HS6ST3: variants seen among roughly 807,000 people sequenced by gnomAD.
HS6ST3 encodes the protein heparan sulfate 6-O-sulfotransferase 3.
A neutral mutation model predicts 36.7 loss-of-function variants in HS6ST3; 12 were observed. That is an observed-to-expected ratio of 0.33 (90% CI 0.21 to 0.53). The LOEUF (loss-of-function observed/expected upper bound fraction) is 0.53, where lower values mean the gene tolerates loss of function less well. Among genes scored for constraint, HS6ST3 ranks in the 20% least tolerant of loss-of-function variants. The pLI is 0.95. For synonymous variants in HS6ST3, 240 were observed against 257.5 expected, an observed-to-expected ratio of 0.93 and a Z score of 0.65; for missense variants, 584 against 640.9, an observed-to-expected ratio of 0.91 and a Z score of 0.96.
At chr13:96,216,000 G>A (rs1229820667) in intron 1 of HS6ST3, among the ~76,000 whole-genome samples, 1 of 152,174 alleles carries the variant, frequency 6.6e-6, no homozygotes, top group African/African-American at 2.4e-5. Flanking sequence ...CATGCTTCCA[G>A]AGCTGACCCA....
chr13:96,571,357 T>C (rs879776045), intron 1 of HS6ST3, among the ~76,000 whole-genome samples: 7 of 152,194 alleles, frequency 4.6e-5, no homozygotes, highest in Non-Finnish European at 1.0e-4. Context: ...CACTGCTAGG[T>C]AACTTCAAAC....
intron 1 of HS6ST3, among the ~76,000 whole-genome samples, chr13:96,359,595 A>C (rs2055227212): frequency 6.6e-6 from 1 of 152,138 alleles, no homozygotes. Context: ...CCTGGTTTTA[A>C]CAAGATTTGT....
At chr13:96,181,770 C>A (rs1207053848) in intron 1 of HS6ST3, among the ~76,000 whole-genome samples, 3 of 152,146 alleles carry the variant, frequency 2.0e-5, no homozygotes, top group Non-Finnish European at 4.4e-5. Context: ...TGGCTAGAAC[C>A]CCCGCCCTTC....
Position 96,197,016 on chromosome 13 carries a change from A to G in HS6ST3, c.707+105447A>G, listed in dbSNP as rs184917581. 5.5e-3 allele frequency among the ~76,000 whole-genome samples: 831 copies of G among 152,338 alleles called. 2 individuals are homozygous for G. The highest frequency in any genetic ancestry group is 0.013 in the Admixed American group (198 of 15,308). ...GCCATTCTTTCTCTGTGTGACCTCTAGATGGATCTATGTGATTCACAGAGG... is the reference window on the plus strand; with the variant it reads ...GCCATTCTTTCTCTGTGTGACCTCTGGATGGATCTATGTGATTCACAGAGG... On this transcript the variant is annotated intron_variant, in intron 1 of 1. Coordinates refer to ENST00000376705, the MANE Select transcript of HS6ST3 (RefSeq NM_153456.4).
intron 1 of HS6ST3, chr13:96,574,083 G>C: frequency 1.8e-6 from 1 of 541,766 alleles, no homozygotes; most frequent in Non-Finnish European, 3.7e-6. Context: ...GGCTGCATTG[G>C]GACCTTCTCA....
chr13:96,497,543 T>G (rs2055983449), intron 1 of HS6ST3, among the ~76,000 whole-genome samples: 1 of 152,192 alleles, frequency 6.6e-6, no homozygotes, highest in Non-Finnish European at 1.5e-5. Context: ...AGTAGACAGA[T>G]GCAGCAGCCT....
intron 1 of HS6ST3, among the ~76,000 whole-genome samples, chr13:96,478,641 T>G (rs2138896092): frequency 6.6e-6 from 1 of 152,274 alleles, no homozygotes; most frequent in Middle Eastern, 3.4e-3. Flanking sequence ...AGAATACTAT[T>G]AGACCTACCA....
intron 1 of HS6ST3, among the ~76,000 whole-genome samples, chr13:96,544,759 C>T (rs763908559): frequency 6.6e-6 from 1 of 152,100 alleles, no homozygotes; most frequent in Non-Finnish European, 1.5e-5. Flanking sequence ...GTGCCGTCCT[C>T]TCTGGTGAAT....
At chr13:96,226,791 A>G (rs1423956392) in intron 1 of HS6ST3, among the ~76,000 whole-genome samples, 1 of 152,220 alleles carries the variant, frequency 6.6e-6, no homozygotes, top group Non-Finnish European at 1.5e-5. Context: ...GCACATACAT[A>G]TGGTAAAGTG....
At position 96,696,900 on chromosome 13, in the gene HS6ST3, C is replaced by T. The variant is rs187156659; in HGVS notation, c.708-135590C>T. On this transcript the variant is annotated intron_variant, in intron 1 of 1. Transcript: ENST00000376705. ...AATGAATGAATGTAGTCCACACGTACAGACATGCCTCTCAGGCAGTCTGTT... is the reference window on the plus strand; with the variant it reads ...AATGAATGAATGTAGTCCACACGTATAGACATGCCTCTCAGGCAGTCTGTT... Among the ~76,000 whole-genome samples, 85 of 152,198 alleles carry T rather than the reference C, an allele frequency of 5.6e-4. 1 individual carries two copies. The highest frequency in any genetic ancestry group is 4.6e-3 in the Admixed American group (70 of 15,282).
chr13:96,641,954 T>C (rs975874924), intron 1 of HS6ST3, among the ~76,000 whole-genome samples: 2 of 151,832 alleles, frequency 1.3e-5, no homozygotes, highest in Non-Finnish European at 2.9e-5. Flanking sequence ...TATCTTTTTT[T>C]AAATGTACCT....
rs550412133 is a variant in HS6ST3 at position 96,285,318 on chromosome 13, A to T, written c.707+193749A>T. Among the ~76,000 whole-genome samples, 97 of 152,292 alleles carry T rather than the reference A, an allele frequency of 6.4e-4. 2 individuals carry two copies. The East Asian group carries it at 0.018, about 29-fold the overall frequency. On this transcript the variant is annotated intron_variant, in intron 1 of 1. Coordinates refer to ENST00000376705, the MANE Select transcript of HS6ST3 (RefSeq NM_153456.4). ...TCTTAAAGATATACTATTTAGCAAT[A>T]ATTTAACTTCCAGAGAGACTAAAAG...
At chr13:96,435,564 G>T (rs545032180) in intron 1 of HS6ST3, among the ~76,000 whole-genome samples, 8 of 152,212 alleles carry the variant, frequency 5.3e-5, no homozygotes, top group Non-Finnish European at 7.4e-5. Flanking sequence ...GCCATTATCT[G>T]TATCCCAACT....
chr13:96,769,197 TTA>T (rs1472462514), intron 1 of HS6ST3, among the ~76,000 whole-genome samples: 1 of 152,156 alleles, frequency 6.6e-6, no homozygotes, highest in African/African-American at 2.4e-5. Context: ...GCAGTAACAC[TTA>T]TCTTCTTTAC....
chr13:96,582,786 A>T (rs1014724363), intron 1 of HS6ST3, among the ~76,000 whole-genome samples: 3 of 152,058 alleles, frequency 2.0e-5, no homozygotes, highest in Admixed American at 6.5e-5. Context: ...TCCATCCTCT[A>T]TTTACATATG....
intron 1 of HS6ST3, among the ~76,000 whole-genome samples, chr13:96,473,800 A>G: frequency 6.6e-6 from 1 of 152,216 alleles, no homozygotes; most frequent in East Asian, 1.9e-4. Flanking sequence ...CAAAGTCAAG[A>G]GGCCACTGAG....
chr13:96,329,912 A>G (rs2055055544), intron 1 of HS6ST3, among the ~76,000 whole-genome samples: 1 of 147,882 alleles, frequency 6.8e-6, no homozygotes, highest in Admixed American at 6.8e-5. Flanking sequence ...CTTCTTGTTG[A>G]ATTGATCCTT....
intron 1 of HS6ST3, among the ~76,000 whole-genome samples, chr13:96,464,243 C>T (rs963563675): frequency 6.6e-6 from 1 of 151,116 alleles, no homozygotes; most frequent in Non-Finnish European, 1.5e-5. Context: ...TTCCTTACCC[C>T]CCTACCCAGT....
chr13:96,832,433 T>G (rs1171342928), intron 1 of HS6ST3, 57 bp from the exon 2 acceptor site: 1 of 1,300,382 alleles, frequency 7.7e-7, no homozygotes, highest in Non-Finnish European at 1.1e-6. Flanking sequence ...TATAAAAATT[T>G]AGATACCTCC....
Sources: gnomAD v4.1 joint callset for allele counts (sites outside exome capture counted in the v4.1 genomes callset) on GRCh38, gnomAD v4.1.1 for gene constraint, MANE v1.5 for transcripts, NCBI Gene and HGNC (gene_info 2026-07-23, HGNC 2026-07-21) for gene names.